Variants in DYNC2LI1 observed in about 807,000 individuals in gnomAD.
DYNC2LI1 encodes cytoplasmic dynein 2 light intermediate chain 1.
Under a neutral mutation model 51.9 loss-of-function variants are expected in DYNC2LI1, and 45 were observed. That is an observed-to-expected ratio of 0.87 (90% CI 0.68 to 1.11). The LOEUF is 1.11. Ranked by LOEUF, DYNC2LI1 falls within the 50% of genes most tolerant of loss-of-function variation. The pLI is 0.00. For synonymous variants in DYNC2LI1, 130 were observed against 137.8 expected, an observed-to-expected ratio of 0.94 and a Z score of 0.40; for missense variants, 490 against 417.4, an observed-to-expected ratio of 1.17 and a Z score of -1.51.
chr2:43,819,898 G>C, the DYNC2LI1 span: 15 of 1,613,496 alleles, frequency 9.3e-6, no homozygotes, highest in Non-Finnish European at 1.3e-5. Context: ...TAAATTTTTT[G>C]AATTATGATA....
chr2:43,822,513 G>A, the DYNC2LI1 span: 1 of 969,576 alleles, frequency 1.0e-6, no homozygotes, highest in Non-Finnish European at 1.2e-6. Context: ...AGCTACTTCA[G>A]AGTCCTCTCT....
intron 2 of DYNC2LI1, 28 bp from the exon 3 acceptor site, chr2:43,783,492 G>A (rs778108094): frequency 4.4e-5 from 66 of 1,504,244 alleles, no homozygotes; most frequent in East Asian, 1.5e-4. Context: ...TGACATTAAC[G>A]CAGTGTTCCT....
chr2:43,777,100 A>G (rs1466175985), intron 2 of DYNC2LI1, among the ~76,000 whole-genome samples: 1 of 152,152 alleles, frequency 6.6e-6, no homozygotes, highest in Admixed American at 6.6e-5. Flanking sequence ...TATTTAAACT[A>G]TTTTTTATTT....
chr2:43,790,272 C>A (rs3792017), intron 5 of DYNC2LI1, among the ~76,000 whole-genome samples: 21,579 of 152,186 alleles, frequency 0.14, 2,102 homozygotes, highest in African/African-American at 0.26. Context: ...GACAGTAACT[C>A]CCACATGTTG....
chr2:43,792,728 G>A, intron 5 of DYNC2LI1: 1 of 1,547,844 alleles, frequency 6.5e-7, no homozygotes, highest in Non-Finnish European at 8.7e-7. Context: ...GACCACTCCA[G>A]TACCTCATAT....
At chr2:43,799,079 C>G (rs1665987598) in intron 8 of DYNC2LI1, among the ~76,000 whole-genome samples, 1 of 152,110 alleles carries the variant, frequency 6.6e-6, no homozygotes, top group Non-Finnish European at 1.5e-5. Flanking sequence ...GTGGGAAGAT[C>G]AGTTGAGGCC....
At chr2:43,776,954 A>G in intron 2 of DYNC2LI1, 55 bp downstream of exon 2, 1 of 915,992 alleles carries the variant, frequency 1.1e-6, no homozygotes, top group Non-Finnish European at 1.8e-6. Flanking sequence ...TTGGTAAAAT[A>G]TCTGTTAATA....
the DYNC2LI1 span, chr2:43,823,865 G>A: frequency 3.8e-6 from 6 of 1,592,924 alleles, no homozygotes; most frequent in African/African-American, 2.7e-5. Flanking sequence ...CTGGAGAAGG[G>A]AGGTATTTAG....
downstream of DYNC2LI1, among the ~76,000 whole-genome samples, chr2:43,813,786 G>A (rs1173072966): frequency 2.3e-5 from 3 of 129,770 alleles, no homozygotes; most frequent in African/African-American, 8.8e-5. Flanking sequence ...GGCTCGATCT[G>A]GGCTCACTGC....
intron 8 of DYNC2LI1, among the ~76,000 whole-genome samples, chr2:43,799,559 C>T (rs1293043044): frequency 6.6e-6 from 1 of 152,170 alleles, no homozygotes; most frequent in Non-Finnish European, 1.5e-5. Context: ...TATGAAAGCA[C>T]ATTCTAATAC....
chr2:43,824,623 T>C, the DYNC2LI1 span: 1 of 985,440 alleles, frequency 1.0e-6, no homozygotes, highest in Non-Finnish European at 1.2e-6. Flanking sequence ...CCATTGGGAT[T>C]GTCTGGGAGA....
At chr2:43,787,534 G>A (rs1328975716) in intron 4 of DYNC2LI1, among the ~76,000 whole-genome samples, 1 of 152,012 alleles carries the variant, frequency 6.6e-6, no homozygotes, top group East Asian at 1.9e-4. Flanking sequence ...GTTATTTTCT[G>A]TCTCTCAAAA....
intron 12 of DYNC2LI1, among the ~76,000 whole-genome samples, chr2:43,808,711 C>G (rs1219418940): frequency 3.3e-5 from 5 of 152,118 alleles, no homozygotes; most frequent in Admixed American, 6.5e-5. Flanking sequence ...GTATCCTGCC[C>G]TCTCCCTATC....
chr2:43,778,444 G>A (rs1351965888), intron 2 of DYNC2LI1, among the ~76,000 whole-genome samples: 1 of 152,110 alleles, frequency 6.6e-6, no homozygotes, highest in East Asian at 1.9e-4. Flanking sequence ...ATGAGTCACC[G>A]CCCCTGGCTA....
At chr2:43,824,422 C>T in the DYNC2LI1 span, 122 of 1,613,786 alleles carry the variant, frequency 7.6e-5, 2 homozygotes, top group Middle Eastern at 1.6e-4. Flanking sequence ...TATCCACTGA[C>T]GTCAGGTCCA....
At chr2:43,813,446 A>G, downstream of DYNC2LI1, 3 of 710,958 alleles carry the variant, frequency 4.2e-6, no homozygotes, top group South Asian at 3.0e-5. Flanking sequence ...TTACAATTTG[A>G]TGAAGCAAGA....
At chr2:43,827,800 G>A in the DYNC2LI1 span, among the ~76,000 whole-genome samples, 1 of 152,118 alleles carries the variant, frequency 6.6e-6, no homozygotes, top group Non-Finnish European at 1.5e-5. Context: ...TGATGGAATC[G>A]CATCAGGAAA....
At chr2:43,805,321 C>A (rs922934087) in intron 12 of DYNC2LI1, 75 bp downstream of exon 12, 5 of 872,326 alleles carry the variant, frequency 5.7e-6, no homozygotes, top group African/African-American at 5.1e-5. Flanking sequence ...GAATTCCTTA[C>A]ATTTTTCTCT....
the DYNC2LI1 span, chr2:43,822,854 A>C: frequency 6.2e-7 from 1 of 1,614,178 alleles, no homozygotes; most frequent in Non-Finnish European, 8.5e-7. Flanking sequence ...GAGGACGTGC[A>C]GTGCATAGGC....
Sources: gnomAD v4.1 joint callset for allele counts (sites outside exome capture counted in the v4.1 genomes callset) on GRCh38, gnomAD v4.1.1 for gene constraint, MANE v1.5 for transcripts, NCBI Gene and HGNC (gene_info 2026-07-23, HGNC 2026-07-21) for gene names.